The following RNF220 variants were observed in gnomAD, a reference collection of about 807,000 sequenced individuals.
The protein encoded by RNF220 is ring finger protein 220, also known as E3 ubiquitin-protein ligase RNF220.
RNF220 carries 7 observed loss-of-function variants against 67.1 expected under a neutral mutation model. That is an observed-to-expected ratio of 0.10 (90% CI 0.06 to 0.20). The LOEUF (loss-of-function observed/expected upper bound fraction) is 0.20. RNF220 is among the 10% of genes least tolerant of loss of function. The pLI is 1.00. For missense variants in RNF220, 565 were observed against 740.3 expected, an observed-to-expected ratio of 0.76 and a Z score of 2.75; for synonymous variants, 270 against 283.2, an observed-to-expected ratio of 0.95 and a Z score of 0.47.
intron 2 of RNF220, among the ~76,000 whole-genome samples, chr1:44,559,142 A>G (rs1350004144): frequency 1.3e-5 from 2 of 152,224 alleles, no homozygotes; most frequent in Non-Finnish European, 2.9e-5. Flanking sequence ...CTTGCTTTCT[A>G]GTTCTCCCCT....
chr1:44,420,779 T>C (rs949734617), intron 2 of RNF220, among the ~76,000 whole-genome samples: 1 of 152,228 alleles, frequency 6.6e-6, no homozygotes, highest in Non-Finnish European at 1.5e-5. Flanking sequence ...TTATACAGAC[T>C]TAAAGGTTGT....
intron 2 of RNF220, among the ~76,000 whole-genome samples, chr1:44,495,375 G>T (rs1257394523): frequency 6.6e-6 from 1 of 152,180 alleles, no homozygotes; most frequent in Admixed American, 6.5e-5. Flanking sequence ...TAGGCACGAA[G>T]GTTACAGCAA....
chr1:44,614,064 C>G (rs926583215), intron 2 of RNF220, 101 bp from the exon 3 acceptor site: 32 of 1,530,034 alleles, frequency 2.1e-5, no homozygotes, highest in Middle Eastern at 3.5e-4. Context: ...CCAAGAAGCC[C>G]TAGAGGGCAG....
chr1:44,446,907 C>T (rs1006832770), intron 2 of RNF220, among the ~76,000 whole-genome samples: 6 of 152,272 alleles, frequency 3.9e-5, no homozygotes, highest in South Asian at 2.1e-4. Flanking sequence ...GGTGAAGTTA[C>T]GCAGATAACA....
intron 2 of RNF220, among the ~76,000 whole-genome samples, chr1:44,603,379 G>A (rs549889940): frequency 3.9e-5 from 6 of 152,314 alleles, no homozygotes; most frequent in Admixed American, 1.3e-4. Context: ...CTTGGCCCCG[G>A]GCTACGGTGG....
intron 3 of RNF220, among the ~76,000 whole-genome samples, chr1:44,619,953 G>T (rs1487733556): frequency 6.6e-6 from 1 of 152,180 alleles, no homozygotes; most frequent in African/African-American, 2.4e-5. Flanking sequence ...GTGTTGCTAG[G>T]AAAAGATCCA....
At chr1:44,488,711 T>C (rs2148045658) in intron 2 of RNF220, among the ~76,000 whole-genome samples, 1 of 150,198 alleles carries the variant, frequency 6.7e-6, no homozygotes, top group South Asian at 2.1e-4. Flanking sequence ...ACTTAGCCTT[T>C]TTCTTTTTCT....
At position 44,649,962 on chromosome 1, in the gene RNF220, G is replaced by A. The variant is rs1644746320; in HGVS notation, c.1629+5G>A. ...GAGTGCTGGCTGCGGACCCTGGTGAGGTGGCATGGGGGTCGGGGAATGGGA... is the reference window on the plus strand; with the variant it reads ...GAGTGCTGGCTGCGGACCCTGGTGAAGTGGCATGGGGGTCGGGGAATGGGA... On this transcript the variant is annotated splice_donor_5th_base_variant and intron_variant, in intron 14 of 14. Coordinates refer to ENST00000361799, the MANE Select transcript of RNF220 (RefSeq NM_018150.4). The surrounding 1 kb of genome is among the most constrained non-coding windows in gnomAD (Gnocchi z 5.9). 1 of 1,613,188 alleles carries A rather than the reference G, an allele frequency of 6.2e-7. No individual in the cohort carries two copies. The highest frequency in any genetic ancestry group is 8.5e-7 in the Non-Finnish European group (1 of 1,179,826).
At chr1:44,554,063 G>A (rs1416540846) in intron 2 of RNF220, among the ~76,000 whole-genome samples, 1 of 152,186 alleles carries the variant, frequency 6.6e-6, no homozygotes, top group Non-Finnish European at 1.5e-5. Flanking sequence ...AATCCTGAAG[G>A]CAAGCAAGCT....
intron 2 of RNF220, chr1:44,545,487 C>T (rs1224914118): frequency 1.9e-5 from 3 of 154,158 alleles, no homozygotes; most frequent in African/African-American, 7.2e-5. Flanking sequence ...AATCCAAGAT[C>T]CATAACAGGG....
rs146692210 is a variant in RNF220, at chr1:44,594,271, C to G, written c.626-19894C>G. ...CCCTGGAGGGCGCTTTGCCTCCCCC[C>G]CTCCCTCCTTGTTACTTCATTCCCT... is the stretch of plus-strand genomic sequence containing the variant. On this transcript the variant is annotated intron_variant, in intron 2 of 14. Coordinates refer to ENST00000361799, the MANE Select transcript of RNF220 (RefSeq NM_018150.4). Among the ~76,000 whole-genome samples the G allele has an allele frequency of 5.8e-4, 89 of 152,216 alleles. 1 individual carries two copies. The East Asian group carries it at 0.015, about 25-fold the overall frequency.
chr1:44,433,857 G>T (rs1051351944), intron 2 of RNF220, among the ~76,000 whole-genome samples: 5 of 152,174 alleles, frequency 3.3e-5, no homozygotes, highest in Non-Finnish European at 5.9e-5. Flanking sequence ...AGCTACTCTG[G>T]AGGCTGAGGC....
At chr1:44,455,991 C>T (rs190691523) in intron 2 of RNF220, among the ~76,000 whole-genome samples, 2 of 152,210 alleles carry the variant, frequency 1.3e-5, no homozygotes, top group East Asian at 1.9e-4. Context: ...TTAAATGCCT[C>T]CAAAGATCCC....
chr1:44,523,750 C>T (rs144041300), intron 2 of RNF220, among the ~76,000 whole-genome samples: 4 of 152,296 alleles, frequency 2.6e-5, no homozygotes, highest in African/African-American at 9.6e-5. Flanking sequence ...GCTCCCGCCT[C>T]TGCTATCCCC....
chr1:44,555,739 T>C lies in RNF220; in HGVS notation c.626-58426T>C, dbSNP rs962638820. Among the ~76,000 whole-genome samples the C allele has an allele frequency of 2.4e-4, 36 of 150,702 alleles. 1 individual carries two copies. The highest frequency in any genetic ancestry group is 8.2e-4 in the African/African-American group (33 of 40,330). On this transcript the variant is annotated intron_variant, in intron 2 of 14. Transcript: ENST00000361799. ...ATTCGCCTGCCTCGGCCTCCCAAAG[T>C]GCTGAGATTACAGGCGTGAGCCACC...
intron 2 of RNF220, among the ~76,000 whole-genome samples, chr1:44,533,219 G>A (rs1253744938): frequency 1.3e-5 from 2 of 152,182 alleles, no homozygotes; most frequent in Non-Finnish European, 1.5e-5. Flanking sequence ...GGCTGGGCAT[G>A]GTGGCTCACG....
upstream of RNF220, among the ~76,000 whole-genome samples, chr1:44,404,912 TTTACTC>T (rs1647218429): frequency 6.6e-6 from 1 of 152,126 alleles, no homozygotes; most frequent in Admixed American, 6.5e-5. Flanking sequence ...GCTTTGCCCA[TTTACTC>T]TTGGTCCCTT....
intron 1 of RNF220, among the ~76,000 whole-genome samples, chr1:44,409,319 G>A (rs1647736304): frequency 6.6e-6 from 1 of 152,180 alleles, no homozygotes. Context: ...AATTTATTTA[G>A]CTTCGTGGAT....
At chr1:44,407,319 A>T (rs1647442786) in intron 1 of RNF220, among the ~76,000 whole-genome samples, 1 of 152,144 alleles carries the variant, frequency 6.6e-6, no homozygotes, top group Admixed American at 6.5e-5. Flanking sequence ...GCAGTGAGGA[A>T]GCAGCGAGGG....
Sources: gnomAD v4.1 joint callset for allele counts (sites outside exome capture counted in the v4.1 genomes callset) on GRCh38, gnomAD v4.1.1 for gene constraint, Gnocchi (gnomAD v3.1) non-coding constraint, MANE v1.5 for transcripts, NCBI Gene and HGNC (gene_info 2026-07-23, HGNC 2026-07-21) for gene names.